Variants in AGR2 observed in about 807,000 individuals in gnomAD.
AGR2 encodes anterior gradient 2, protein disulphide isomerase family member, also known as anterior gradient protein 2 homolog.
AGR2 carries 27 observed loss-of-function variants against 25.9 expected under a neutral mutation model. That is an observed-to-expected ratio of 1.04 (90% confidence interval 0.77 to 1.44). The LOEUF is 1.44. Among genes scored for constraint, AGR2 ranks in the 40% most tolerant of loss-of-function variants. AGR2 has a pLI of 0.00. For missense variants in AGR2, 182 were observed against 200.9 expected (o/e 0.91, Z 0.57); for synonymous variants, 78 against 72.0 (o/e 1.08, Z -0.42).
chr7:16,798,391 C>G (rs1460385105), intron 5 of AGR2, among the ~76,000 whole-genome samples: 1 of 152,130 alleles, frequency 6.6e-6, no homozygotes, highest in Non-Finnish European at 1.5e-5. Flanking sequence ...TCTCCTATGG[C>G]CAAGTGCTGG....
intron 6 of AGR2, 53 bp downstream of exon 6, chr7:16,797,578 G>T: frequency 6.6e-6 from 10 of 1,524,934 alleles, no homozygotes; most frequent in Non-Finnish European, 9.1e-6. Flanking sequence ...AGAGAAGGAG[G>T]ATGGCAGCAC....
intron 6 of AGR2, 97 bp downstream of exon 6, chr7:16,797,533 TG>T: frequency 3.1e-6 from 3 of 952,710 alleles, no homozygotes; most frequent in Non-Finnish European, 4.9e-6. Context: ...GTGATGACAT[TG>T]GCCATGGCAA....
Position 16,792,878 on chromosome 7 carries a change from C to G in AGR2, c.*30G>C, listed in dbSNP as rs752053196. 1.9e-6 allele frequency: 3 copies of G among 1,601,262 alleles called. No homozygotes were observed. The highest frequency in any genetic ancestry group is 3.3e-5 in the Admixed American group (2 of 60,002). Reference sequence around the variant, plus strand: ...TCTGGTTTCAAGTCTCAAGGCCTGACAGACAGAAGGGCTTGGAGATTTTTT... The same window carrying G: ...TCTGGTTTCAAGTCTCAAGGCCTGAGAGACAGAAGGGCTTGGAGATTTTTT... On this transcript the variant is annotated 3_prime_UTR_variant, in exon 8 of 8. Transcript: ENST00000419304.
chr7:16,792,968 A>G lies in AGR2; in HGVS notation c.479-11T>C. 2 of 1,613,498 alleles carry G rather than the reference A, an allele frequency of 1.2e-6. No individual in the cohort carries two copies. Among genetic ancestry groups the G allele is most frequent in the Admixed American group, 1.7e-5 (1 of 60,014 alleles). ...TCATGTTGTCAAGCACTAATGGGGG[A>G]TAAAAGCAGGAGAGTCAAGACACCA... On this transcript the variant is annotated splice_polypyrimidine_tract_variant and intron_variant, in intron 7 of 7. Transcript: ENST00000419304.
At chr7:16,793,504 T>G (rs1329355936) in intron 7 of AGR2, among the ~76,000 whole-genome samples, 1 of 152,228 alleles carries the variant, frequency 6.6e-6, no homozygotes, top group Non-Finnish European at 1.5e-5. Context: ...AAGAATCCTT[T>G]TATAAGCTCT....
intron 4 of AGR2, 69 bp downstream of exon 4, chr7:16,801,082 G>A: frequency 1.6e-6 from 2 of 1,229,788 alleles, no homozygotes; most frequent in Non-Finnish European, 2.3e-6. Context: ...ATACAAACAT[G>A]AGTGATCTGA....
At chr7:16,797,370 C>A (rs552171020) in intron 6 of AGR2, among the ~76,000 whole-genome samples, 1 of 152,194 alleles carries the variant, frequency 6.6e-6, no homozygotes, top group Non-Finnish European at 1.5e-5. Context: ...GAATAGGGTG[C>A]TTTGTTCTCA....
chr7:16,799,742 AC>A lies in AGR2; in HGVS notation c.330+1del. ...GTTAGTAATGATGAAAAGGAAACTT[AC>A]AACCAGATTGAGGAGGACAAACTGC... On this transcript the variant is annotated splice_donor_variant, in intron 5 of 7. Transcript: ENST00000419304. LOFTEE classifies it high-confidence loss of function. 2 of 1,608,588 alleles carry A rather than the reference AC, an allele frequency of 1.2e-6. No homozygotes were observed. The highest frequency in any genetic ancestry group is 1.3e-5 in the African/African-American group (1 of 74,794).
In AGR2 at chr7:16,801,195, G is replaced by C. The variant is rs1304403635; in HGVS notation, c.212C>G (p.Pro71Arg). 2 of 1,613,678 alleles carry C rather than the reference G, an allele frequency of 1.2e-6. No individual in the cohort carries two copies. The highest frequency in any genetic ancestry group is 1.7e-6 in the Non-Finnish European group (2 of 1,179,820). The change falls in exon 4 of 8, where the codon CCC becomes CGC. Residue 71 changes from proline (P) to arginine (R), a missense_variant. Pro to Arg is a moderately radical substitution (Grantham distance 103). Transcript: ENST00000419304. Reference protein sequence around the residue: ...ALYKSKTSNKPLMIIHHLDEC... With the variant: ...ALYKSKTSNKRLMIIHHLDEC... ...ATCCAAGTGATGAATAATCATCAAG[G>C]GTTTGTTGCTTTAAAAGACAGAGAT... is the stretch of plus-strand genomic sequence containing the variant.
At chr7:16,794,785 T>G in intron 7 of AGR2, 151 bp downstream of exon 7, 1 of 1,508,850 alleles carries the variant, frequency 6.6e-7, no homozygotes, top group Non-Finnish European at 8.9e-7. Flanking sequence ...GTGATTTGCC[T>G]GAAGATGCAA....
intron 5 of AGR2, among the ~76,000 whole-genome samples, chr7:16,799,095 G>T (rs976919412): frequency 8.5e-5 from 13 of 152,096 alleles, no homozygotes; most frequent in Non-Finnish European, 2.9e-5. Flanking sequence ...TTAAGGAGTA[G>T]GAAGAGGAAG....
intron 6 of AGR2, among the ~76,000 whole-genome samples, chr7:16,796,133 G>T (rs978817873): frequency 2.0e-5 from 3 of 152,170 alleles, no homozygotes; most frequent in African/African-American, 7.2e-5. Context: ...TTGAGGTGTG[G>T]CCTGGGCAAC....
intron 5 of AGR2, 194 bp downstream of exon 5, chr7:16,799,550 A>T (rs190223330): frequency 8.3e-5 from 43 of 518,138 alleles, no homozygotes; most frequent in African/African-American, 8.2e-4. Flanking sequence ...ATGATTAATT[A>T]CTAAATAAAA....
Position 16,792,066 on chromosome 7 carries a change from C to G in AGR2, c.*842G>C, listed in dbSNP as rs577784885. ...CACGTTTCCTAAACCCTAGTAACCT[C>G]TGATCTCCATCTGCCTCATCAACAC... is the stretch of plus-strand genomic sequence containing the variant. On this transcript the variant is annotated 3_prime_UTR_variant, in exon 8 of 8. Coordinates refer to ENST00000419304, the MANE Select transcript of AGR2 (RefSeq NM_006408.4). 7.2e-5 allele frequency: 11 copies of G among 152,368 alleles called. No individual in the cohort carries two copies. Among genetic ancestry groups the G allele is most frequent in the African/African-American group, 2.4e-4 (10 of 41,570 alleles). The allele number at this position is 152,368 out of a possible 1,614,324, so 9.4% of individuals were successfully genotyped here. A position where few individuals can be genotyped will look rare whatever the true frequency, so the allele number is the denominator to read the frequency against.
In AGR2 at chr7:16,791,985, C is replaced by G. The variant is rs1256420659; in HGVS notation, c.*923G>C. 2.0e-5 allele frequency: 3 copies of G among 152,152 alleles called. No individual in the cohort carries two copies. The highest frequency in any genetic ancestry group is 7.2e-5 in the African/African-American group (3 of 41,410). 9.4% of individuals were successfully genotyped at this position (152,152 alleles called of 1,614,324 possible). A position where few individuals can be genotyped will look rare whatever the true frequency, so the allele number is the denominator to read the frequency against. ...TAAGTATAGAGTGAAGACATTAACA[C>G]ACAATTCTAATTTCTGTTAGGCAGA... On this transcript the variant is annotated 3_prime_UTR_variant, in exon 8 of 8. Transcript: ENST00000419304.
chr7:16,795,496 A>G (rs28475089), intron 6 of AGR2, among the ~76,000 whole-genome samples: 1 of 152,120 alleles, frequency 6.6e-6, no homozygotes, highest in South Asian at 2.1e-4. Context: ...CCTTAACAAC[A>G]GCAAAGTTCA....
At chr7:16,795,231 T>C (rs10215783) in intron 6 of AGR2, among the ~76,000 whole-genome samples, 14,438 of 151,794 alleles carry the variant, frequency 0.095, 752 homozygotes, top group East Asian at 0.17. Flanking sequence ...AGCTGTGCAG[T>C]GCTATTTGTG....
At chr7:16,795,602 C>A (rs1785032713) in intron 6 of AGR2, among the ~76,000 whole-genome samples, 1 of 152,082 alleles carries the variant, frequency 6.6e-6, no homozygotes, top group Non-Finnish European at 1.5e-5. Context: ...ATACTTATAT[C>A]CCTCTAAATT....
Position 16,797,297 on chromosome 7 carries a change from A to G in AGR2, c.394+334T>C, listed in dbSNP as rs536349326. 1.1e-4 allele frequency among the ~76,000 whole-genome samples: 16 copies of G among 152,368 alleles called. No individual in the cohort carries two copies. The East Asian group carries it at 2.9e-3, about 28-fold the overall frequency. The stretch of plus-strand genomic sequence containing the variant: ...AACACACAAAGTGAAAGTTTGCTGG[A>G]TTAAAAAATAAATATTTGCAGGCCT... On this transcript the variant is annotated intron_variant, in intron 6 of 7. Coordinates refer to ENST00000419304, the MANE Select transcript of AGR2 (RefSeq NM_006408.4).
Sources: allele counts gnomAD v4.1 joint callset (sites outside exome capture counted in the v4.1 genomes callset), GRCh38; gene constraint gnomAD v4.1.1; transcripts MANE v1.5; gene names NCBI Gene and HGNC (gene_info 2026-07-23, HGNC 2026-07-21).